TEKT5: variants seen among roughly 807,000 people sequenced by gnomAD.
TEKT5 encodes the protein tektin-5.
In TEKT5, 52 loss-of-function variants were observed where a neutral mutation model predicts 48.7. The observed-to-expected ratio is 1.07, with a 90% confidence interval of 0.86 to 1.35. TEKT5 has a LOEUF of 1.35. Ranked by LOEUF, TEKT5 falls within the 40% of genes most tolerant of loss-of-function variation. TEKT5 has a pLI of 0.00. For missense variants in TEKT5, 831 were observed against 641.6 expected (o/e 1.30, Z -3.19); for synonymous variants, 318 against 267.6 (o/e 1.19, Z -1.84).
chr16:10,653,270 T>C (rs1038012141), intron 5 of TEKT5, among the ~76,000 whole-genome samples: 1 of 152,212 alleles, frequency 6.6e-6, no homozygotes, highest in Admixed American at 6.5e-5. Flanking sequence ...GCTGGAACTC[T>C]GGTGGGAAGA....
At chr16:10,645,443 T>G (rs1437391065) in intron 5 of TEKT5, among the ~76,000 whole-genome samples, 1 of 151,802 alleles carries the variant, frequency 6.6e-6, no homozygotes, top group East Asian at 1.9e-4. Context: ...CCCCAGGAGG[T>G]GAAGGCTGCA....
chr16:10,648,754 T>C (rs1015386190), intron 5 of TEKT5, among the ~76,000 whole-genome samples: 1 of 152,238 alleles, frequency 6.6e-6, no homozygotes, highest in African/African-American at 2.4e-5. Context: ...TTTGTCTCTC[T>C]AGCCCTTGGC....
intron 1 of TEKT5, among the ~76,000 whole-genome samples, chr16:10,694,059 T>A (rs368568345): frequency 7.9e-5 from 12 of 152,162 alleles, no homozygotes; most frequent in African/African-American, 2.7e-4. Flanking sequence ...ATGCACACAA[T>A]ATTTTCATGA....
At chr16:10,660,223 C>T (rs567548319) in intron 5 of TEKT5, among the ~76,000 whole-genome samples, 9 of 152,186 alleles carry the variant, frequency 5.9e-5, no homozygotes, top group African/African-American at 1.4e-4. Flanking sequence ...GGGGTCAAGA[C>T]GGGGGTTGCC....
At chr16:10,651,492 G>A (rs1365158316) in intron 5 of TEKT5, among the ~76,000 whole-genome samples, 1 of 152,116 alleles carries the variant, frequency 6.6e-6, no homozygotes, top group Admixed American at 6.5e-5. Context: ...ATCAATGTCT[G>A]GAGCATAGTA....
intron 6 of TEKT5, among the ~76,000 whole-genome samples, chr16:10,629,645 C>A (rs1897808277): frequency 6.6e-6 from 1 of 152,224 alleles, no homozygotes; most frequent in Admixed American, 6.5e-5. Context: ...CCATCCCCAG[C>A]TGCTACGAGT....
chr16:10,646,282 G>C (rs530618848), intron 5 of TEKT5, among the ~76,000 whole-genome samples: 3 of 152,284 alleles, frequency 2.0e-5, no homozygotes, highest in South Asian at 4.1e-4. Flanking sequence ...TGGAAATCTA[G>C]ATTTTTAACC....
chr16:10,685,878 G>A (rs1422459202), intron 3 of TEKT5, among the ~76,000 whole-genome samples: 2 of 152,004 alleles, frequency 1.3e-5, no homozygotes, highest in Admixed American at 6.6e-5. Flanking sequence ...ATCATCTGGG[G>A]TTGCAAAAGC....
chr16:10,650,621 C>A (rs184834500), intron 5 of TEKT5, among the ~76,000 whole-genome samples: 1 of 151,838 alleles, frequency 6.6e-6, no homozygotes, highest in Non-Finnish European at 1.5e-5. Flanking sequence ...GGGTGGCTCA[C>A]GCCTGTAATC....
At chr16:10,633,588 G>GA (rs1412862902) in intron 6 of TEKT5, among the ~76,000 whole-genome samples, 1 of 152,000 alleles carries the variant, frequency 6.6e-6, no homozygotes, top group Non-Finnish European at 1.5e-5. Flanking sequence ...TGTTGCCCAG[G>GA]ATGGAGTGCA....
At chr16:10,651,718 G>A (rs868280990) in intron 5 of TEKT5, among the ~76,000 whole-genome samples, 1 of 152,296 alleles carries the variant, frequency 6.6e-6, no homozygotes, top group Middle Eastern at 3.4e-3. Flanking sequence ...CCAGCACTTT[G>A]GGAGGCCGAG....
At chr16:10,653,079 T>C (rs1333522004) in intron 5 of TEKT5, among the ~76,000 whole-genome samples, 1 of 152,212 alleles carries the variant, frequency 6.6e-6, no homozygotes. Flanking sequence ...GATGTTAACC[T>C]TCCTGTTCCC....
chr16:10,690,235 G>A (rs930974748), intron 1 of TEKT5: 16 of 564,442 alleles, frequency 2.8e-5, no homozygotes, highest in African/African-American at 1.1e-4. Flanking sequence ...CAAGGCATCC[G>A]GAGATGCAAG....
At position 10,627,654 on chromosome 16, in the gene TEKT5, T is replaced by G. The variant is rs147505505; in HGVS notation, c.1387A>C (p.Ile463Leu). The G allele has an allele frequency of 6.2e-7, 1 of 1,614,188 alleles. No homozygotes were observed. Among genetic ancestry groups the G allele is most frequent in the Non-Finnish European group, 8.5e-7 (1 of 1,180,038 alleles). The stretch of plus-strand genomic sequence containing the variant: ...ATGCCCATGCACTTCTCCTTGTCGA[T>G]GCAGAGGGTGTTGGCCTTGATGGCG... Reference protein sequence around the residue: ...ELAIKANTLCIDKEKCMGMRK... With the variant: ...ELAIKANTLCLDKEKCMGMRK... The change falls in exon 7 of 7, where the codon ATC (isoleucine) becomes CTC (leucine). Residue 463 changes from isoleucine (I) to leucine (L), a missense_variant. Transcript: ENST00000283025.
chr16:10,644,910 T>C (rs1056877392), intron 5 of TEKT5, among the ~76,000 whole-genome samples: 2 of 152,222 alleles, frequency 1.3e-5, no homozygotes, highest in Non-Finnish European at 2.9e-5. Flanking sequence ...GTGGGGCCTC[T>C]GAGAGGCGAT....
intron 6 of TEKT5, among the ~76,000 whole-genome samples, chr16:10,633,275 C>A (rs1332036595): frequency 6.6e-6 from 1 of 152,098 alleles, no homozygotes. Flanking sequence ...GCAGGAGAAT[C>A]TCTTGAACCC....
chr16:10,635,227 CCT>C (rs1897896828), intron 6 of TEKT5, among the ~76,000 whole-genome samples: 1 of 143,842 alleles, frequency 7.0e-6, no homozygotes. Flanking sequence ...GCTTTTGACC[CCT>C]GTCCTGTGAG....
At chr16:10,688,824 C>A (rs1898911684) in intron 3 of TEKT5, among the ~76,000 whole-genome samples, 1 of 152,218 alleles carries the variant, frequency 6.6e-6, no homozygotes, top group African/African-American at 2.4e-5. Context: ...AGGTGCCCAG[C>A]CCCTGGCCTT....
chr16:10,656,777 G>C (rs1898269534), intron 5 of TEKT5, among the ~76,000 whole-genome samples: 1 of 152,092 alleles, frequency 6.6e-6, no homozygotes, highest in Admixed American at 6.5e-5. Flanking sequence ...GTCTTGCTTT[G>C]TTGCCCAGGC....
Sources: allele counts gnomAD v4.1 joint callset (sites outside exome capture counted in the v4.1 genomes callset), GRCh38; gene constraint gnomAD v4.1.1; transcripts MANE v1.5; gene names NCBI Gene and HGNC (gene_info 2026-07-23, HGNC 2026-07-21).